Variants in SARNP observed in about 807,000 individuals in gnomAD.
SARNP encodes the protein SAP domain containing ribonucleoprotein.
Under a neutral mutation model 38.1 loss-of-function variants are expected in SARNP, and 5 were observed. That is an observed-to-expected ratio of 0.13 (90% CI 0.07 to 0.28). The LOEUF is 0.28. Among genes scored for constraint, SARNP ranks in the 10% least tolerant of loss-of-function variants. The pLI is 1.00. For missense variants in SARNP, 180 were observed against 243.9 expected, an observed-to-expected ratio of 0.74 and a Z score of 1.75; for synonymous variants, 84 against 80.6, an observed-to-expected ratio of 1.04 and a Z score of -0.23.
intron 2 of SARNP, 57 bp from the exon 3 acceptor site, chr12:55,800,957 T>C (rs1164201231): frequency 5.7e-6 from 8 of 1,391,760 alleles, no homozygotes; most frequent in Non-Finnish European, 8.2e-6. Flanking sequence ...CTTGATCACT[T>C]ACCAAGGTTA....
chr12:55,772,705 G>A (rs1362559644), intron 9 of SARNP, among the ~76,000 whole-genome samples: 1 of 141,260 alleles, frequency 7.1e-6, no homozygotes, highest in Non-Finnish European at 1.5e-5. Context: ...GTAGAGGGAA[G>A]CTGAAACTTT....
At chr12:55,774,597 A>AAAAAAAAAAAAAAAAAAAAAAAC in intron 9 of SARNP, among the ~76,000 whole-genome samples, 1 of 149,342 alleles carries the variant, frequency 6.7e-6, no homozygotes, top group African/African-American at 2.5e-5. Flanking sequence ...AAAAAACAAA[A>AAAAAAAAAAAAAAAAAAAAAAAC]ATTAGCCAGG....
At chr12:55,759,527 C>T (rs989940366) in intron 10 of SARNP, among the ~76,000 whole-genome samples, 2 of 151,806 alleles carry the variant, frequency 1.3e-5, no homozygotes, top group African/African-American at 2.4e-5. Flanking sequence ...TCTCATGCCT[C>T]GGTCTCCAGA....
intron 5 of SARNP, 34 bp downstream of exon 5, chr12:55,795,991 T>C (rs369474812): frequency 6.9e-7 from 1 of 1,448,312 alleles, no homozygotes; most frequent in Non-Finnish European, 9.7e-7. Flanking sequence ...GAGAGAAATG[T>C]AGAGACTGTT....
chr12:55,789,919 G>A (rs1879612394), intron 8 of SARNP, among the ~76,000 whole-genome samples: 1 of 148,176 alleles, frequency 6.7e-6, no homozygotes, highest in Non-Finnish European at 1.5e-5. Flanking sequence ...ACTCCAGCCT[G>A]GGCAAAAGAA....
At chr12:55,779,248 G>A (rs1879273006) in intron 9 of SARNP, among the ~76,000 whole-genome samples, 1 of 152,172 alleles carries the variant, frequency 6.6e-6, no homozygotes, top group Non-Finnish European at 1.5e-5. Context: ...TGATAACCTA[G>A]GATGAAGGAG....
chr12:55,814,248 GCTC>G (rs1445553578), intron 1 of SARNP, among the ~76,000 whole-genome samples: 3 of 152,184 alleles, frequency 2.0e-5, no homozygotes, highest in Admixed American at 6.5e-5. Context: ...ATCACATCAA[GCTC>G]CTCCTTTCAA....
rs536806377 is a variant in SARNP at position 55,785,172 on chromosome 12, C to T, written c.501+3903G>A. ...TTTGCCACAGATAATTTCAGATGCA[C>T]TACTCTAGCACATATGCAAATAAAA... On this transcript the variant is annotated intron_variant, in intron 9 of 10. Coordinates refer to ENST00000336133, the MANE Select transcript of SARNP (RefSeq NM_033082.4). Among the ~76,000 whole-genome samples, 6 of 152,252 alleles carry T rather than the reference C, an allele frequency of 3.9e-5. No individual in the cohort carries two copies. The South Asian group carries it at 6.2e-4, about 16-fold the overall frequency.
At chr12:55,790,647 A>C (rs1879639227) in intron 7 of SARNP, 55 bp from the exon 8 acceptor site, 2 of 1,410,754 alleles carry the variant, frequency 1.4e-6, no homozygotes, top group South Asian at 1.5e-5. Flanking sequence ...CAAAGCCAAC[A>C]GTCTTCAAGT....
chr12:55,806,694 C>T, intron 1 of SARNP, among the ~76,000 whole-genome samples: 1 of 152,110 alleles, frequency 6.6e-6, no homozygotes, highest in East Asian at 1.9e-4. Context: ...CGCATGCCAC[C>T]ATGTCCAGCT....
chr12:55,812,386 C>T (rs1198171541), intron 1 of SARNP, among the ~76,000 whole-genome samples: 1 of 152,238 alleles, frequency 6.6e-6, no homozygotes, highest in African/African-American at 2.4e-5. Context: ...TGCCTTCCCT[C>T]AGTAAAATAC....
chr12:55,768,125 CTT>C (rs1169734109), intron 9 of SARNP, among the ~76,000 whole-genome samples: 1 of 151,630 alleles, frequency 6.6e-6, no homozygotes, highest in East Asian at 1.9e-4. Flanking sequence ...CTCTCTCTCT[CTT>C]ATTTATTTAT....
chr12:55,775,248 A>AG (rs2136186306), intron 9 of SARNP, among the ~76,000 whole-genome samples: 1 of 150,470 alleles, frequency 6.6e-6, no homozygotes, highest in Admixed American at 6.6e-5. Context: ...AATTAAAAAA[A>AG]AAAAAAAAAA....
chr12:55,799,090 A>G (rs1879903546), intron 4 of SARNP, among the ~76,000 whole-genome samples: 1 of 152,360 alleles, frequency 6.6e-6, no homozygotes, highest in East Asian at 1.9e-4. Flanking sequence ...ACATACATAC[A>G]TATACACATG....
chr12:55,789,249 T>C (rs1879594085), intron 8 of SARNP, 106 bp from the exon 9 acceptor site: 2 of 718,034 alleles, frequency 2.8e-6, no homozygotes, highest in African/African-American at 1.8e-5. Flanking sequence ...GCCTATAACA[T>C]CAAAGACACC....
intron 9 of SARNP, among the ~76,000 whole-genome samples, chr12:55,774,489 G>A (rs1403778555): frequency 2.0e-5 from 3 of 149,038 alleles, no homozygotes; most frequent in East Asian, 4.0e-4. Context: ...GGAGGCCTAC[G>A]TGGGTGGATC....
intron 9 of SARNP, among the ~76,000 whole-genome samples, chr12:55,774,536 C>A (rs1239596095): frequency 1.6e-5 from 2 of 127,078 alleles, no homozygotes; most frequent in Non-Finnish European, 1.6e-5. Flanking sequence ...GCCTAGCCGA[C>A]ACGGTGAAAC....
At chr12:55,812,400 C>G (rs1400235726) in intron 1 of SARNP, among the ~76,000 whole-genome samples, 1 of 152,186 alleles carries the variant, frequency 6.6e-6, no homozygotes, top group Non-Finnish European at 1.5e-5. Context: ...AAAATACAAG[C>G]TCTATGAGAG....
At chr12:55,805,009 A>T (rs2136203664) in intron 1 of SARNP, among the ~76,000 whole-genome samples, 1 of 152,328 alleles carries the variant, frequency 6.6e-6, no homozygotes, top group East Asian at 1.9e-4. Flanking sequence ...CACGCCTGTA[A>T]TCCCAGCACT....
Sources: gnomAD v4.1 joint callset for allele counts (sites outside exome capture counted in the v4.1 genomes callset) on GRCh38, gnomAD v4.1.1 for gene constraint, MANE v1.5 for transcripts, NCBI Gene and HGNC (gene_info 2026-07-23, HGNC 2026-07-21) for gene names.